TBC1D5: variants seen among roughly 807,000 people sequenced by gnomAD.
The protein encoded by TBC1D5 is TBC1 domain family member 5.
Under a neutral mutation model 100.3 loss-of-function variants are expected in TBC1D5, and 75 were observed. The observed-to-expected ratio is 0.75, with a 90% CI of 0.62 to 0.91. The LOEUF is 0.91. TBC1D5 is among the 40% of genes least tolerant of loss of function. The pLI, the probability that TBC1D5 is intolerant of heterozygous loss-of-function variation, is 0.00. For synonymous variants in TBC1D5, 323 were observed against 325.6 expected (o/e 0.99, Z 0.09); for missense variants, 910 against 942.4 (o/e 0.97, Z 0.45).
chr3:17,207,240 A>T (rs1033150836), intron 18 of TBC1D5, among the ~76,000 whole-genome samples: 5 of 152,242 alleles, frequency 3.3e-5, no homozygotes, highest in African/African-American at 1.2e-4. Flanking sequence ...ATCATAGAAC[A>T]TGACTAACAG....
chr3:17,289,318 T>A (rs2081481780), intron 15 of TBC1D5, among the ~76,000 whole-genome samples: 1 of 151,960 alleles, frequency 6.6e-6, no homozygotes, highest in African/African-American at 2.4e-5. Context: ...ATGTAGTGCC[T>A]CCTGCGGCAG....
chr3:17,440,049 G>A (rs2094618197), intron 3 of TBC1D5, among the ~76,000 whole-genome samples: 1 of 152,158 alleles, frequency 6.6e-6, no homozygotes, highest in South Asian at 2.1e-4. Flanking sequence ...CAGTATTCAA[G>A]TGCTGACGTT....
At chr3:17,297,170 C>T (rs1269894355) in intron 14 of TBC1D5, among the ~76,000 whole-genome samples, 1 of 152,312 alleles carries the variant, frequency 6.6e-6, no homozygotes, top group African/African-American at 2.4e-5. Context: ...CCAGGAATGC[C>T]GTTTGTACTA....
intron 2 of TBC1D5, among the ~76,000 whole-genome samples, chr3:17,530,853 T>G (rs757382412): frequency 3.2e-4 from 48 of 152,330 alleles, no homozygotes; most frequent in Admixed American, 5.2e-4. Flanking sequence ...AAGAGCTATC[T>G]ATGACAAACC....
chr3:17,224,937 T>A (rs538148771), intron 17 of TBC1D5, among the ~76,000 whole-genome samples: 7 of 152,250 alleles, frequency 4.6e-5, no homozygotes, highest in Non-Finnish European at 7.4e-5. Flanking sequence ...CTGGCCCACA[T>A]CTCACATTAA....
intron 8 of TBC1D5, among the ~76,000 whole-genome samples, chr3:17,387,247 C>T (rs1356170547): frequency 6.6e-6 from 1 of 152,072 alleles, no homozygotes; most frequent in African/African-American, 2.4e-5. Flanking sequence ...ATTATCCAGT[C>T]CAACTCAGAG....
intron 13 of TBC1D5, among the ~76,000 whole-genome samples, chr3:17,330,774 C>A (rs897833604): frequency 6.6e-6 from 1 of 152,094 alleles, no homozygotes; most frequent in African/African-American, 2.4e-5. Flanking sequence ...AACCTGGATG[C>A]CCTACAAGCA....
At chr3:17,306,285 T>A (rs542246874) in intron 14 of TBC1D5, among the ~76,000 whole-genome samples, 106 of 152,286 alleles carry the variant, frequency 7.0e-4, no homozygotes, top group Middle Eastern at 6.8e-3. Flanking sequence ...GTACCAAATA[T>A]GTTCATTTGA....
chr3:17,211,506 T>G (rs918016444), intron 18 of TBC1D5, among the ~76,000 whole-genome samples: 1 of 152,220 alleles, frequency 6.6e-6, no homozygotes. Flanking sequence ...TTTGCTGACA[T>G]AGGGAAGGGA....
In TBC1D5 at chr3:17,369,974, T is replaced by C. The variant is rs184094458; in HGVS notation, c.995+2101A>G. Among the ~76,000 whole-genome samples the C allele has an allele frequency of 2.0e-4, 30 of 152,272 alleles. No individual in the cohort carries two copies. In the East Asian group the frequency reaches 5.8e-3, roughly 29 times the overall value. The stretch of plus-strand genomic sequence containing the variant: ...AGGTAGCTATGATTATTGCAAGACC[T>C]GGTATTTTCAGTATTGCTGATAATG... On this transcript the variant is annotated intron_variant, in intron 13 of 21. Coordinates refer to ENST00000253692, the Ensembl canonical transcript of TBC1D5.
chr3:17,464,790 A>G (rs2095275173), intron 3 of TBC1D5, among the ~76,000 whole-genome samples: 1 of 152,158 alleles, frequency 6.6e-6, no homozygotes, highest in Non-Finnish European at 1.5e-5. Flanking sequence ...CTGGTGAAGT[A>G]TCTGAAAACT....
At chr3:17,197,908 G>A (rs150264682) in intron 18 of TBC1D5, among the ~76,000 whole-genome samples, 11 of 152,170 alleles carry the variant, frequency 7.2e-5, no homozygotes, top group Admixed American at 2.0e-4. Context: ...ATGGTGGCTC[G>A]CGCCTGTAGT....
At chr3:17,348,386 G>A (rs961133039) in intron 13 of TBC1D5, among the ~76,000 whole-genome samples, 8 of 152,192 alleles carry the variant, frequency 5.3e-5, no homozygotes, top group Admixed American at 1.3e-4. Context: ...GGTAAAATGC[G>A]AATTGTCAGT....
chr3:17,372,000 G>T (rs1451239252), intron 13 of TBC1D5, 75 bp downstream of exon 13: 1 of 1,425,264 alleles, frequency 7.0e-7, no homozygotes, highest in Non-Finnish European at 9.4e-7. Context: ...TCATGCCACT[G>T]CACTCTAGCA....
At chr3:17,308,170 A>G (rs535113487) in intron 13 of TBC1D5, 36 bp from the exon 14 acceptor site, 1 of 1,548,108 alleles carries the variant, frequency 6.5e-7, no homozygotes, top group African/African-American at 1.4e-5. Context: ...AGAAGACAGT[A>G]CTTTTGAGAA....
At chr3:17,167,591 C>T (rs942525800) in intron 20 of TBC1D5, among the ~76,000 whole-genome samples, 158 bp downstream of exon 21, 8 of 152,020 alleles carry the variant, frequency 5.3e-5, no homozygotes, top group East Asian at 1.9e-4. Context: ...TTAGAAGCAG[C>T]GGGGGCACAA....
chr3:17,471,579 G>GTTGATATCCAGTACATGTACACAC (rs1553772830), intron 3 of TBC1D5, among the ~76,000 whole-genome samples: 2 of 140,630 alleles, frequency 1.4e-5, no homozygotes, highest in African/African-American at 5.9e-5. Context: ...AAATAGGCAG[G>GTTGATATCCAGTACATGTACACAC]AGAATGGCGT....
chr3:17,628,244 C>T (rs963944863), intron 1 of TBC1D5, among the ~76,000 whole-genome samples: 10 of 151,998 alleles, frequency 6.6e-5, no homozygotes, highest in African/African-American at 2.4e-4. Flanking sequence ...GAGGTGGATG[C>T]CTGTAATCCC....
chr3:17,345,774 C>T (rs957406641), intron 13 of TBC1D5, among the ~76,000 whole-genome samples: 1 of 152,140 alleles, frequency 6.6e-6, no homozygotes, highest in Non-Finnish European at 1.5e-5. Context: ...TTCGTAGGGA[C>T]GGGGATGAAA....
Sources: allele counts gnomAD v4.1 joint callset (sites outside exome capture counted in the v4.1 genomes callset), GRCh38; gene constraint gnomAD v4.1.1; transcripts MANE v1.5; gene names NCBI Gene and HGNC (gene_info 2026-07-23, HGNC 2026-07-21).